Variants in HELLS observed in about 807,000 individuals in gnomAD.
HELLS encodes helicase, lymphoid specific, also known as lymphoid-specific helicase.
A neutral mutation model predicts 120.0 loss-of-function variants in HELLS; 32 were observed. The ratio of observed to expected loss-of-function variants is 0.27; its 90% CI spans 0.20 to 0.36. The LOEUF is 0.36. Among genes scored for constraint, HELLS ranks in the 10% least tolerant of loss-of-function variants. The pLI is 1.00. For synonymous variants in HELLS, 341 were observed against 323.4 expected, an observed-to-expected ratio of 1.05 and a Z score of -0.58; for missense variants, 650 against 993.4, an observed-to-expected ratio of 0.65 and a Z score of 4.65.
intron 21 of HELLS, among the ~76,000 whole-genome samples, chr10:94,599,548 G>A (rs1845926006): frequency 6.6e-6 from 1 of 152,012 alleles, no homozygotes; most frequent in Admixed American, 6.6e-5. Context: ...GTAGAGACAG[G>A]GGTTTGCCAT....
At chr10:94,550,108 T>TG (rs1842912744) in intron 2 of HELLS, among the ~76,000 whole-genome samples, 1 of 151,996 alleles carries the variant, frequency 6.6e-6, no homozygotes, top group South Asian at 2.1e-4. Context: ...TTAGTAGAGA[T>TG]GGGGTTTCTC....
chr10:94,563,808 CTT>C (rs10623208), intron 6 of HELLS, among the ~76,000 whole-genome samples: 20 of 136,340 alleles, frequency 1.5e-4, no homozygotes, highest in Non-Finnish European at 1.7e-4. Flanking sequence ...GTTTTCTTTT[CTT>C]TTTTTTTTTT....
chr10:94,589,536 A>G lies in HELLS; in HGVS notation c.1489-877A>G, dbSNP rs368513380. Among the ~76,000 whole-genome samples, 44 of 145,836 alleles carry G rather than the reference A, an allele frequency of 3.0e-4. No homozygotes were observed. In the East Asian group the frequency reaches 5.4e-3, roughly 18 times the overall value. ...TAGGAGATAGAGGTGGGATGTTATT[A>G]TCATGTAACTGAAGGAGACCCTTAA... On this transcript the variant is annotated intron_variant, in intron 13 of 21. Transcript: ENST00000348459.
chr10:94,569,985 G>A (rs1427967805), intron 6 of HELLS: 1 of 151,598 alleles, frequency 6.6e-6, no homozygotes, highest in Non-Finnish European at 1.5e-5. Context: ...GTTAACTATA[G>A]TAACTATAAG....
At chr10:94,609,313 G>A (rs547711510) in intron 9 of HELLS, among the ~76,000 whole-genome samples, 1 of 152,188 alleles carries the variant, frequency 6.6e-6, no homozygotes, top group Non-Finnish European at 1.5e-5. Flanking sequence ...ATGAGCCACT[G>A]CGCCCAGTAT....
chr10:94,553,011 G>T (rs1183723315), intron 2 of HELLS, among the ~76,000 whole-genome samples: 1 of 152,060 alleles, frequency 6.6e-6, no homozygotes, highest in Non-Finnish European at 1.5e-5. Flanking sequence ...TGTTTTGATT[G>T]TTAGGATGAA....
At chr10:94,564,416 T>C (rs369008576) in intron 6 of HELLS, among the ~76,000 whole-genome samples, 1 of 152,194 alleles carries the variant, frequency 6.6e-6, no homozygotes, top group East Asian at 1.9e-4. Flanking sequence ...AATTTAACTT[T>C]TTGTAACCCC....
chr10:94,563,345 C>G (rs1166601636), intron 6 of HELLS, among the ~76,000 whole-genome samples: 1 of 152,124 alleles, frequency 6.6e-6, no homozygotes, highest in Admixed American at 6.6e-5. Context: ...ATCCGCCCGC[C>G]TCGGTCTCCT....
At chr10:94,559,768 CAT>C (rs1843459526) in intron 4 of HELLS, among the ~76,000 whole-genome samples, 1 of 152,044 alleles carries the variant, frequency 6.6e-6, no homozygotes, top group African/African-American at 2.4e-5. Flanking sequence ...TATTAATCAA[CAT>C]ATATATTAAA....
intron 19 of HELLS, among the ~76,000 whole-genome samples, chr10:94,595,057 G>A (rs962656541): frequency 1.3e-5 from 2 of 152,018 alleles, no homozygotes; most frequent in African/African-American, 2.4e-5. Context: ...GTGAAACCGC[G>A]TCTCTACTAA....
chr10:94,611,044 C>T (rs541171317), exon 10 of HELLS: 1 of 152,282 alleles, frequency 6.6e-6, no homozygotes, highest in South Asian at 2.1e-4. Context: ...TAGAAGATTT[C>T]CCTCGCTAAA....
intron 11 of HELLS, among the ~76,000 whole-genome samples, 183 bp downstream of exon 11, chr10:94,581,705 T>G (rs1844877266): frequency 6.6e-6 from 1 of 152,216 alleles, no homozygotes; most frequent in Non-Finnish European, 1.5e-5. Context: ...TATTTAAAAC[T>G]TACTTGCATT....
intron 6 of HELLS, among the ~76,000 whole-genome samples, chr10:94,564,923 A>C (rs964013334): frequency 3.9e-5 from 6 of 152,182 alleles, no homozygotes; most frequent in Non-Finnish European, 8.8e-5. Context: ...AAAAAAGCAC[A>C]ACTCTATTGT....
chr10:94,588,276 T>A lies in HELLS; in HGVS notation c.1374T>A (p.Leu458=). 1 of 1,610,842 alleles carries A rather than the reference T, an allele frequency of 6.2e-7. No individual in the cohort carries two copies. The highest frequency in any genetic ancestry group is 8.5e-7 in the Non-Finnish European group (1 of 1,177,958). The change falls in exon 13 of 22, where the codon CTT becomes CTA. Residue 458 remains leucine, a synonymous_variant. Transcript: ENST00000348459. Reference sequence around the variant, plus strand: ...GAAGACTGAAGTCTGATGTTGCTCTTGAAGTTCCTCCTAAACGAGAAGTAG... The same window carrying A: ...GAAGACTGAAGTCTGATGTTGCTCTAGAAGTTCCTCCTAAACGAGAAGTAG... ...LLRRLKSDVA[L]EVPPKREVVV...
intron 9 of HELLS, among the ~76,000 whole-genome samples, chr10:94,608,455 C>G (rs1386791089): frequency 1.3e-5 from 2 of 152,110 alleles, no homozygotes; most frequent in African/African-American, 4.8e-5. Flanking sequence ...TTGCTCTTCT[C>G]TAAGGTATTT....
chr10:94,573,024 A>G (rs1844254542), intron 7 of HELLS, among the ~76,000 whole-genome samples: 1 of 151,604 alleles, frequency 6.6e-6, no homozygotes, highest in African/African-American at 2.4e-5. Flanking sequence ...CAATGGCACG[A>G]TCTCGGCTCA....
intron 13 of HELLS, among the ~76,000 whole-genome samples, chr10:94,589,468 T>G (rs1461741514): frequency 2.0e-5 from 3 of 152,176 alleles, no homozygotes; most frequent in African/African-American, 7.2e-5. Flanking sequence ...CCAAAAAGAT[T>G]AATAATCAAT....
At chr10:94,606,528 T>A (rs1226590702), downstream of HELLS, among the ~76,000 whole-genome samples, 5 of 151,598 alleles carry the variant, frequency 3.3e-5, no homozygotes, top group African/African-American at 7.3e-5. Context: ...AAAAAAAAAA[T>A]TTCTTGAGAC....
intron 1 of HELLS, 84 bp downstream of exon 1, chr10:94,546,036 G>A (rs1448542870): frequency 6.8e-7 from 1 of 1,468,614 alleles, no homozygotes; most frequent in African/African-American, 1.4e-5. Flanking sequence ...GGAGTTTCGG[G>A]GAGGGAGCCG....
Sources: gnomAD v4.1 joint callset for allele counts (sites outside exome capture counted in the v4.1 genomes callset) on GRCh38, gnomAD v4.1.1 for gene constraint, MANE v1.5 for transcripts, NCBI Gene and HGNC (gene_info 2026-07-23, HGNC 2026-07-21) for gene names.